Variants in ABLIM1 observed in about 807,000 individuals in gnomAD.
ABLIM1 encodes actin-binding LIM protein 1.
A neutral mutation model predicts 107.0 loss-of-function variants in ABLIM1; 40 were observed. That is an observed-to-expected ratio of 0.37 (90% CI 0.29 to 0.49). The LOEUF (loss-of-function observed/expected upper bound fraction) is 0.49. ABLIM1 is among the 20% of genes least tolerant of loss of function. The pLI is 0.97. For synonymous variants in ABLIM1, 357 were observed against 357.3 expected, an observed-to-expected ratio of 1.00 and a Z score of 0.01; for missense variants, 857 against 1,008.5, an observed-to-expected ratio of 0.85 and a Z score of 2.04.
intron 1 of ABLIM1, among the ~76,000 whole-genome samples, chr10:114,751,337 G>A (rs1028745679): frequency 1.3e-5 from 2 of 151,966 alleles, no homozygotes; most frequent in Non-Finnish European, 2.9e-5. Flanking sequence ...AATTACACAC[G>A]ATAGTCTTAT....
the ABLIM1 span, among the ~76,000 whole-genome samples, chr10:114,787,491 GC>G: frequency 6.7e-6 from 1 of 148,700 alleles, no homozygotes; most frequent in African/African-American, 2.5e-5. Context: ...GAAGTGAGGA[GC>G]CCCTCTGCCC....
chr10:114,609,790 T>G (rs2076684015), intron 1 of ABLIM1, among the ~76,000 whole-genome samples: 1 of 152,224 alleles, frequency 6.6e-6, no homozygotes, highest in Non-Finnish European at 1.5e-5. Flanking sequence ...TAAAATGCAC[T>G]GAATACTTAA....
chr10:114,754,719 C>T (rs533758892), intron 1 of ABLIM1, among the ~76,000 whole-genome samples: 11 of 152,298 alleles, frequency 7.2e-5, no homozygotes, highest in Admixed American at 3.9e-4. Context: ...GTTCTGAACA[C>T]GGCACATAAA....
At chr10:114,665,065 C>T (rs2079965690) in intron 1 of ABLIM1, among the ~76,000 whole-genome samples, 1 of 151,152 alleles carries the variant, frequency 6.6e-6, no homozygotes, top group African/African-American at 2.4e-5. Context: ...TGCAGTGAGC[C>T]GAGATAGCGC....
chr10:114,656,947 G>A lies in ABLIM1; in HGVS notation c.244+1010C>T, dbSNP rs190159369. On this transcript the variant is annotated intron_variant, in intron 1 of 22. Transcript: ENST00000533213. ...GATGAAGAGGTTGGGGTGGGGAGGCGATAGCTAAAGGGTACAGGGTTTCTT... is the reference window on the plus strand; with the variant it reads ...GATGAAGAGGTTGGGGTGGGGAGGCAATAGCTAAAGGGTACAGGGTTTCTT... Among the ~76,000 whole-genome samples, 24 of 152,256 alleles carry A rather than the reference G, an allele frequency of 1.6e-4. 1 individual carries two copies. The highest frequency in any genetic ancestry group is 4.3e-4 in the African/African-American group (18 of 41,550).
intron 1 of ABLIM1, among the ~76,000 whole-genome samples, chr10:114,713,579 CT>C (rs1204170253): frequency 6.6e-6 from 1 of 152,186 alleles, no homozygotes; most frequent in Admixed American, 6.5e-5. Context: ...TTTCCTACCA[CT>C]GGTATTTACT....
chr10:114,606,956 A>G (rs920337720), intron 1 of ABLIM1, among the ~76,000 whole-genome samples: 34 of 152,158 alleles, frequency 2.2e-4, no homozygotes, highest in African/African-American at 7.0e-4. Flanking sequence ...ATTTCCCAAC[A>G]AATTTGTCCA....
intron 1 of ABLIM1, among the ~76,000 whole-genome samples, chr10:114,673,275 A>C (rs1004940751): frequency 3.0e-4 from 46 of 152,130 alleles, no homozygotes; most frequent in African/African-American, 1.0e-3. Flanking sequence ...AAAAAACAAA[A>C]AAAAAACAAA....
At chr10:114,626,844 G>A (rs1405870745) in intron 1 of ABLIM1, among the ~76,000 whole-genome samples, 3 of 152,162 alleles carry the variant, frequency 2.0e-5, no homozygotes, top group Admixed American at 6.5e-5. Context: ...TTAAAAAGGG[G>A]AAACATGGAG....
intron 4 of ABLIM1, among the ~76,000 whole-genome samples, chr10:114,564,804 T>C (rs1342831416): frequency 6.6e-6 from 1 of 152,214 alleles, no homozygotes; most frequent in East Asian, 1.9e-4. Context: ...TCAACCGTTA[T>C]ACTGTGCTCT....
At chr10:114,798,566 C>G in the ABLIM1 span, among the ~76,000 whole-genome samples, 3 of 146,122 alleles carry the variant, frequency 2.1e-5, no homozygotes, top group South Asian at 4.4e-4. Flanking sequence ...ACCCCCCCCC[C>G]ATGTCTACAA....
At chr10:114,485,781 A>G (rs2058100673) in intron 8 of ABLIM1, among the ~76,000 whole-genome samples, 1 of 152,250 alleles carries the variant, frequency 6.6e-6, no homozygotes, top group Non-Finnish European at 1.5e-5. Context: ...AAGATTCTTA[A>G]AACATTTTCA....
chr10:114,672,830 T>A (rs1289994128), intron 1 of ABLIM1, among the ~76,000 whole-genome samples: 1 of 152,216 alleles, frequency 6.6e-6, no homozygotes, highest in Non-Finnish European at 1.5e-5. Flanking sequence ...CCCACATAGA[T>A]ATCTCGTGCT....
intron 4 of ABLIM1, among the ~76,000 whole-genome samples, chr10:114,548,908 G>T (rs565735112): frequency 1.3e-5 from 2 of 152,318 alleles, no homozygotes; most frequent in Admixed American, 6.5e-5. Flanking sequence ...ACAAAGTGAT[G>T]AAACAACCCC....
intron 1 of ABLIM1, among the ~76,000 whole-genome samples, chr10:114,704,300 C>CTA (rs1192514543): frequency 2.6e-3 from 76 of 28,896 alleles, no homozygotes; most frequent in Non-Finnish European, 3.8e-3. Context: ...CTCTCTCTCT[C>CTA]TCTATATATA....
intron 1 of ABLIM1, among the ~76,000 whole-genome samples, chr10:114,682,718 T>C (rs2080798534): frequency 6.6e-6 from 1 of 152,072 alleles, no homozygotes; most frequent in African/African-American, 2.4e-5. Context: ...AGACTCCAAA[T>C]ACCTTAAAAA....
At chr10:114,581,808 T>C (rs781036314) in intron 2 of ABLIM1, among the ~76,000 whole-genome samples, 3 of 152,060 alleles carry the variant, frequency 2.0e-5, no homozygotes, top group African/African-American at 4.8e-5. Context: ...TCATTTCCAG[T>C]GATGAGGGCC....
At chr10:114,632,180 CCTGCGGCTGAAACCACTCGCTACAG>C (rs1468314492) in intron 1 of ABLIM1, 1 of 985,304 alleles carries the variant, frequency 1.0e-6, no homozygotes, top group African/African-American at 1.7e-5. Context: ...GGGACTCTGC[CCTGCGGCTGAAACCACTCGCTACAG>C]CTGCTGCTGT....
chr10:114,500,683 GAAAAAA>G (rs71007473), intron 6 of ABLIM1, among the ~76,000 whole-genome samples: 10 of 52,558 alleles, frequency 1.9e-4, no homozygotes, highest in Non-Finnish European at 3.3e-4. Flanking sequence ...TGTGTCGAAA[GAAAAAA>G]AAAAAAAAAA....
Sources: gnomAD v4.1 joint callset for allele counts (sites outside exome capture counted in the v4.1 genomes callset) on GRCh38, gnomAD v4.1.1 for gene constraint, MANE v1.5 for transcripts, NCBI Gene and HGNC (gene_info 2026-07-23, HGNC 2026-07-21) for gene names.